CAPN9: variants seen among roughly 807,000 people sequenced by gnomAD.
CAPN9 encodes the protein calpain-9.
A neutral mutation model predicts 92.8 loss-of-function variants in CAPN9; 81 were observed. That is an observed-to-expected ratio of 0.87 (90% confidence interval 0.73 to 1.05). The LOEUF (loss-of-function observed/expected upper bound fraction) is 1.05. Ranked by LOEUF, CAPN9 falls within the 50% of genes least tolerant of loss-of-function variation. The pLI is 0.00. For synonymous variants in CAPN9, 304 were observed against 328.0 expected, an observed-to-expected ratio of 0.93 and a Z score of 0.79; for missense variants, 848 against 866.2, an observed-to-expected ratio of 0.98 and a Z score of 0.26.
chr1:230,794,936 A>T (rs952353289), intron 17 of CAPN9, among the ~76,000 whole-genome samples: 1 of 152,218 alleles, frequency 6.6e-6, no homozygotes, highest in African/African-American at 2.4e-5. Context: ...AGCACGCCTG[A>T]GAGTCCCCCG....
intron 17 of CAPN9, among the ~76,000 whole-genome samples, chr1:230,793,708 A>G (rs1473371646): frequency 1.3e-5 from 2 of 152,238 alleles, no homozygotes; most frequent in East Asian, 3.8e-4. Context: ...CAGGCCTGAT[A>G]AAAGGATGAA....
At chr1:230,796,034 A>AG (rs924209729) in intron 18 of CAPN9, among the ~76,000 whole-genome samples, 10 of 151,900 alleles carry the variant, frequency 6.6e-5, no homozygotes, top group African/African-American at 2.4e-4. Flanking sequence ...TTGATTAAAA[A>AG]AAAAAAAAAG....
intron 1 of CAPN9, among the ~76,000 whole-genome samples, chr1:230,752,273 C>G (rs1165177975): frequency 6.6e-6 from 1 of 152,178 alleles, no homozygotes; most frequent in Non-Finnish European, 1.5e-5. Flanking sequence ...GCTGCCCCTT[C>G]CACACATGCG....
At chr1:230,782,842 C>T (rs990632019) in intron 11 of CAPN9, among the ~76,000 whole-genome samples, 7 of 152,098 alleles carry the variant, frequency 4.6e-5, no homozygotes, top group Admixed American at 4.6e-4. Flanking sequence ...CACAGAGAAA[C>T]CCTATCTCTA....
intron 19 of CAPN9, among the ~76,000 whole-genome samples, chr1:230,799,242 T>C (rs1668533523): frequency 6.6e-6 from 1 of 152,214 alleles, no homozygotes; most frequent in South Asian, 2.1e-4. Context: ...GATGACAGTA[T>C]GTGTTTTAGA....
chr1:230,792,434 C>CA lies in CAPN9; in HGVS notation c.1733dup (p.Asn578LysfsTer7). The CA allele has an allele frequency of 6.2e-7, 1 of 1,613,946 alleles. No individual in the cohort carries two copies. The highest frequency in any genetic ancestry group is 8.5e-7 in the Non-Finnish European group (1 of 1,179,834). On this transcript the variant is annotated frameshift_variant, in exon 16 of 20. Transcript: ENST00000271971. LOFTEE classifies it high-confidence loss of function. Reference sequence around the variant, plus strand: ...TAACCCACATGGCACAGACCAGCGGCAATGGGAAGCTGGAGTTTGATGAAT... The same window carrying CA: ...TAACCCACATGGCACAGACCAGCGGCAAATGGGAAGCTGGAGTTTGATGAAT...
At position 230,762,688 on chromosome 1, in the gene CAPN9, C is replaced by T. The variant is rs967896567; in HGVS notation, c.438C>T (p.Ile146=). The change falls in exon 4 of 20, where the codon ATC becomes ATT. Residue 146 remains isoleucine, a synonymous_variant. Coordinates refer to ENST00000271971, the MANE Select transcript of CAPN9 (RefSeq NM_006615.3). The part of the protein sequence containing the change: ...WQHSEWLDVV[I]DDRLPTFRDR... ...ACAGTGAGTGGCTGGACGTGGTGAT[C>T]GATGACCGCCTGCCCACCTTCAGGG... 17 of 1,613,990 alleles carry T rather than the reference C, an allele frequency of 1.1e-5. No individual in the cohort carries two copies. The highest frequency in any genetic ancestry group is 1.4e-5 in the Non-Finnish European group (17 of 1,179,986).
chr1:230,801,250 A>G (rs1031544259), intron 19 of CAPN9, among the ~76,000 whole-genome samples: 3 of 152,084 alleles, frequency 2.0e-5, no homozygotes, highest in African/African-American at 7.2e-5. Flanking sequence ...AAAGTCACTT[A>G]ATACTGCCCT....
At position 230,747,544 on chromosome 1, in the gene CAPN9, C is replaced by A. The variant is rs993078334; in HGVS notation, c.48C>A (p.Pro16=). 3.1e-6 allele frequency: 5 copies of A among 1,614,156 alleles called. No homozygotes were observed. The highest frequency in any genetic ancestry group is 4.2e-6 in the Non-Finnish European group (5 of 1,180,032). ...RAPGPQAHPV[P]KDARITHSSG... is the part of the protein sequence containing the mutation. ...CAGGGCCTCAGGCACACCCGGTTCC[C>A]AAGGACGCCCGGATCACCCACTCCT... Residue 16 remains proline (P), a synonymous_variant, in exon 1 of 20, where the codon CCC becomes CCA. Coordinates refer to ENST00000271971, the MANE Select transcript of CAPN9 (RefSeq NM_006615.3).
At position 230,791,847 on chromosome 1, in the gene CAPN9, T is replaced by G; in HGVS notation, c.1658-17T>G. 6.2e-7 allele frequency: 1 copy of G among 1,608,686 alleles called. No individual in the cohort carries two copies. The highest frequency in any genetic ancestry group is 8.5e-7 in the Non-Finnish European group (1 of 1,175,074). On this transcript the variant is annotated splice_polypyrimidine_tract_variant and intron_variant, in intron 14 of 19. Coordinates refer to ENST00000271971, the MANE Select transcript of CAPN9 (RefSeq NM_006615.3). ...CTTATCGGGTCAACTGAATTCAGCT[T>G]TCATGTGCAATTTCAGAAAAGGACA...
chr1:230,777,980 C>T (rs1055571925), intron 8 of CAPN9, among the ~76,000 whole-genome samples: 2 of 152,170 alleles, frequency 1.3e-5, no homozygotes, highest in African/African-American at 4.8e-5. Context: ...CACTAATTCT[C>T]AGGTTTCTAT....
At chr1:230,779,656 T>G (rs934895790) in intron 9 of CAPN9, among the ~76,000 whole-genome samples, 1 of 152,198 alleles carries the variant, frequency 6.6e-6, no homozygotes, top group African/African-American at 2.4e-5. Context: ...TGGAAATTCC[T>G]TGAACTAATA....
intron 4 of CAPN9, among the ~76,000 whole-genome samples, chr1:230,766,282 T>C (rs868561860): frequency 1.6e-4 from 25 of 152,102 alleles, no homozygotes; most frequent in African/African-American, 5.6e-4. Flanking sequence ...TTTTAAAAAA[T>C]GTTTCATTTT....
intron 19 of CAPN9, among the ~76,000 whole-genome samples, chr1:230,799,488 G>A (rs994053271): frequency 6.6e-6 from 1 of 152,030 alleles, no homozygotes; most frequent in Non-Finnish European, 1.5e-5. Flanking sequence ...GTATTATTAC[G>A]GTGAGCCAAA....
intron 19 of CAPN9, 50 bp downstream of exon 19, chr1:230,798,270 G>A (rs1668475269): frequency 8.2e-7 from 1 of 1,219,656 alleles, no homozygotes; most frequent in Non-Finnish European, 1.2e-6. Flanking sequence ...GGGCCCAGCA[G>A]AGTCCACGCT....
rs1572107943 is a variant in CAPN9, at chr1:230,801,484, T to C, written c.2047-86T>C. 1.4e-5 allele frequency: 18 copies of C among 1,273,762 alleles called. No individual in the cohort carries two copies. The Admixed American group carries it at 1.5e-4, about 11-fold the overall frequency. 78.9% of individuals were successfully genotyped at this position (1,273,762 alleles called of 1,614,324 possible). ...ATCAAATAGCAGATCTCCTGTGATATCAGCAAACTGGGGCCACTCCTGAGG... is the reference window on the plus strand; with the variant it reads ...ATCAAATAGCAGATCTCCTGTGATACCAGCAAACTGGGGCCACTCCTGAGG... On this transcript the variant is annotated intron_variant, in intron 19 of 19. Transcript: ENST00000271971.
chr1:230,752,380 T>G (rs989217865), intron 1 of CAPN9, among the ~76,000 whole-genome samples: 1 of 152,172 alleles, frequency 6.6e-6, no homozygotes, highest in African/African-American at 2.4e-5. Context: ...CCTCCCCAAT[T>G]TATACCCGAT....
chr1:230,767,177 T>C (rs529672925), intron 4 of CAPN9, among the ~76,000 whole-genome samples: 18 of 152,134 alleles, frequency 1.2e-4, no homozygotes, highest in Middle Eastern at 3.4e-3. Context: ...ACAGCAGTCC[T>C]AGAAGGGAGA....
chr1:230,762,875 A>G, intron 4 of CAPN9, 89 bp downstream of exon 4: 2 of 1,382,130 alleles, frequency 1.4e-6, no homozygotes, highest in Non-Finnish European at 9.7e-7. Flanking sequence ...CTGGGAAAAA[A>G]TCAGGGCTCT....
Sources: gnomAD v4.1 joint callset for allele counts (sites outside exome capture counted in the v4.1 genomes callset) on GRCh38, gnomAD v4.1.1 for gene constraint, MANE v1.5 for transcripts, NCBI Gene and HGNC (gene_info 2026-07-23, HGNC 2026-07-21) for gene names.